Variants in EXOC4 observed in about 807,000 individuals in gnomAD.
EXOC4 encodes SEC8-like 1.
EXOC4 carries 71 observed loss-of-function variants against 107.2 expected under a neutral mutation model. The ratio of observed to expected loss-of-function variants is 0.66; its 90% CI spans 0.55 to 0.81. The LOEUF (loss-of-function observed/expected upper bound fraction) is 0.81, where lower values mean the gene tolerates loss of function less well. EXOC4 is among the 30% of genes least tolerant of loss of function. The pLI is 0.00. For missense variants in EXOC4, 1,108 were observed against 1,189.6 expected, an observed-to-expected ratio of 0.93 and a Z score of 1.01; for synonymous variants, 456 against 441.2, an observed-to-expected ratio of 1.03 and a Z score of -0.42.
chr7:133,847,730 C>T (rs911069380), intron 11 of EXOC4, among the ~76,000 whole-genome samples: 10 of 151,186 alleles, frequency 6.6e-5, no homozygotes, highest in South Asian at 2.1e-4. Flanking sequence ...GGGTGGGGGA[C>T]GGAGTCTCGC....
intron 17 of EXOC4, among the ~76,000 whole-genome samples, chr7:134,016,251 C>A (rs1047860497): frequency 2.0e-5 from 3 of 152,074 alleles, no homozygotes; most frequent in Non-Finnish European, 4.4e-5. Flanking sequence ...CGGGAGTGAA[C>A]AAACAGATAT....
intron 2 of EXOC4, among the ~76,000 whole-genome samples, chr7:133,278,508 G>C (rs1056136677): frequency 1.3e-5 from 2 of 152,192 alleles, no homozygotes; most frequent in Non-Finnish European, 2.9e-5. Context: ...ACACCTGAAG[G>C]AGGTTAGGAA....
At chr7:133,448,955 A>G (rs192093666) in intron 7 of EXOC4, among the ~76,000 whole-genome samples, 2 of 152,084 alleles carry the variant, frequency 1.3e-5, no homozygotes, top group African/African-American at 4.8e-5. Context: ...AAATACAAAA[A>G]TTATCTGGGT....
At chr7:133,725,604 G>T (rs1184779750) in intron 10 of EXOC4, among the ~76,000 whole-genome samples, 1 of 152,134 alleles carries the variant, frequency 6.6e-6, no homozygotes, top group Non-Finnish European at 1.5e-5. Context: ...TCAAACTGCA[G>T]ACCTCAGGTT....
intron 9 of EXOC4, among the ~76,000 whole-genome samples, chr7:133,500,287 A>T (rs1242318023): frequency 6.6e-6 from 1 of 152,156 alleles, no homozygotes. Context: ...TATCCTTTTC[A>T]GTCTGTTTCT....
intron 7 of EXOC4, among the ~76,000 whole-genome samples, chr7:133,457,823 G>C (rs535734132): frequency 1.3e-5 from 2 of 152,072 alleles, no homozygotes; most frequent in African/African-American, 4.8e-5. Context: ...TTAAACCTTA[G>C]GTATTTTGGT....
intron 17 of EXOC4, among the ~76,000 whole-genome samples, chr7:134,044,427 A>C (rs1285443403): frequency 6.6e-6 from 1 of 152,220 alleles, no homozygotes; most frequent in East Asian, 1.9e-4. Flanking sequence ...TTTGTAAAAA[A>C]CTAGGTTCAG....
chr7:133,387,008 T>C (rs947430736), intron 7 of EXOC4, among the ~76,000 whole-genome samples: 3 of 152,180 alleles, frequency 2.0e-5, no homozygotes, highest in African/African-American at 7.2e-5. Flanking sequence ...GTTATCCTAT[T>C]CATGGTCAGT....
chr7:133,282,200 C>T (rs867176934), intron 2 of EXOC4, among the ~76,000 whole-genome samples: 1 of 152,142 alleles, frequency 6.6e-6, no homozygotes, highest in Non-Finnish European at 1.5e-5. Context: ...ACTTCTCTGC[C>T]GTCTGTATCA....
At chr7:133,456,304 A>G (rs1798461963) in intron 7 of EXOC4, among the ~76,000 whole-genome samples, 1 of 152,284 alleles carries the variant, frequency 6.6e-6, no homozygotes. Context: ...TTTTAGTTTT[A>G]TGTGCCCAGA....
At chr7:133,497,012 A>G (rs1238590977) in intron 9 of EXOC4, among the ~76,000 whole-genome samples, 1 of 152,176 alleles carries the variant, frequency 6.6e-6, no homozygotes, top group Admixed American at 6.5e-5. Context: ...AATTCTTGTG[A>G]ATAGATTAGG....
chr7:133,967,302 T>A (rs1320535037), intron 14 of EXOC4, among the ~76,000 whole-genome samples: 2 of 152,270 alleles, frequency 1.3e-5, no homozygotes, highest in East Asian at 3.9e-4. Context: ...TTTTGAAGTG[T>A]TTTTCGTCTC....
At chr7:133,488,850 A>G (rs1799318483) in intron 9 of EXOC4, among the ~76,000 whole-genome samples, 3 of 151,676 alleles carry the variant, frequency 2.0e-5, no homozygotes, top group South Asian at 4.2e-4. Flanking sequence ...TTGAATCTCA[A>G]AGGTAGTCAT....
At chr7:133,286,968 G>C (rs1794293447) in intron 2 of EXOC4, among the ~76,000 whole-genome samples, 1 of 152,148 alleles carries the variant, frequency 6.6e-6, no homozygotes, top group South Asian at 2.1e-4. Flanking sequence ...TTGGGGCTCA[G>C]AATACTCCTA....
At chr7:134,094,228 G>A in the EXOC4 span, among the ~76,000 whole-genome samples, 1 of 152,072 alleles carries the variant, frequency 6.6e-6, no homozygotes, top group African/African-American at 2.4e-5. Flanking sequence ...TGACAAAGAT[G>A]ACATTATAAC....
intron 9 of EXOC4, among the ~76,000 whole-genome samples, chr7:133,613,496 G>A (rs1802120073): frequency 2.0e-5 from 3 of 151,854 alleles, no homozygotes; most frequent in Admixed American, 6.6e-5. Context: ...ATTTTCCATC[G>A]TGTTTAGTGC....
intron 17 of EXOC4, among the ~76,000 whole-genome samples, chr7:134,030,341 A>G (rs913271240): frequency 3.3e-5 from 5 of 152,260 alleles, no homozygotes; most frequent in African/African-American, 4.8e-5. Flanking sequence ...ATGTCCATCA[A>G]TGATGAGTGG....
chr7:133,732,459 T>G (rs1795348519), intron 10 of EXOC4: 1 of 152,312 alleles, frequency 6.6e-6, no homozygotes, highest in Admixed American at 6.5e-5. Flanking sequence ...TCCCAGAACT[T>G]AAAATTAAAC....
chr7:133,848,872 A>C (rs191402662), intron 11 of EXOC4, among the ~76,000 whole-genome samples: 106 of 152,360 alleles, frequency 7.0e-4, no homozygotes, highest in African/African-American at 2.5e-3. Context: ...CAGCTCTCTC[A>C]GAACCTCGCA....
Sources: allele counts gnomAD v4.1 joint callset (sites outside exome capture counted in the v4.1 genomes callset), GRCh38; gene constraint gnomAD v4.1.1; transcripts MANE v1.5; gene names NCBI Gene and HGNC (gene_info 2026-07-23, HGNC 2026-07-21).